Variants in PCDHA7 observed in about 807,000 individuals in gnomAD.
The protein encoded by PCDHA7 is protocadherin alpha 7.
Under a neutral mutation model 57.2 loss-of-function variants are expected in PCDHA7, and 37 were observed. The ratio of observed to expected loss-of-function variants is 0.65; its 90% CI spans 0.50 to 0.85. PCDHA7 has a LOEUF of 0.85. Ranked by LOEUF, PCDHA7 falls within the 40% of genes least tolerant of loss-of-function variation. The probability of loss-of-function intolerance (pLI) is 0.00; values close to 1 mark genes in which losing one functional copy is unlikely to be tolerated. For missense variants in PCDHA7, 1,188 were observed against 1,241.8 expected, an observed-to-expected ratio of 0.96 and a Z score of 0.65; for synonymous variants, 553 against 558.8, an observed-to-expected ratio of 0.99 and a Z score of 0.15.
intron 1 of PCDHA7, chr5:140,856,554 A>G: frequency 1.3e-6 from 2 of 1,598,244 alleles, no homozygotes; most frequent in Non-Finnish European, 1.7e-6. Context: ...TTGCTTACTT[A>G]CAAACTCAGT....
chr5:140,863,356 CGGT>C, intron 1 of PCDHA7: 1 of 1,255,142 alleles, frequency 8.0e-7, no homozygotes, highest in Non-Finnish European at 1.1e-6. Flanking sequence ...CACGACGCTG[CGGT>C]GCTTGGCGCA....
chr5:141,010,118 T>C lies in PCDHA7; in HGVS notation c.*181T>C. 6.2e-7 allele frequency: 1 copy of C among 1,608,728 alleles called. No homozygotes were observed. The highest frequency in any genetic ancestry group is 8.5e-7 in the Non-Finnish European group (1 of 1,177,116). ...TTAACAGGTTTTGTCGTAAAAGCTT[T>C]ACTAAGTCTGGTGTTAACTCTTTCT... On this transcript the variant is annotated 3_prime_UTR_variant, in exon 4 of 4. Transcript: ENST00000525929.
At chr5:140,927,297 G>C in intron 1 of PCDHA7, 1 of 1,614,150 alleles carries the variant, frequency 6.2e-7, no homozygotes, top group Non-Finnish European at 8.5e-7. Context: ...ACATCCCCGA[G>C]TTCCTGACGC....
chr5:141,000,416 TATA>T lies in PCDHA7; in HGVS notation c.2504-9210_2504-9208del, dbSNP rs1254571264. Among the ~76,000 whole-genome samples the T allele has an allele frequency of 5.1e-3, 472 of 93,246 alleles. 2 individuals carry two copies. Among genetic ancestry groups the T allele is most frequent in the Non-Finnish European group, 6.8e-3 (330 of 48,634 alleles). 61.2% of individuals were successfully genotyped at this position (93,246 alleles called of 152,430 possible). On this transcript the variant is annotated intron_variant, in intron 3 of 3. Transcript: ENST00000525929. ...CTCTCTATATATATATATATATATA[TATA>T]TATTTTTTTTTTTTTTTTTTTTTTT...
intron 1 of PCDHA7, among the ~76,000 whole-genome samples, chr5:140,942,586 A>C (rs559683622): frequency 1.3e-5 from 2 of 150,518 alleles, no homozygotes; most frequent in African/African-American, 4.9e-5. Context: ...ATAGGATGTC[A>C]CATATAATTA....
At chr5:140,963,244 T>G (rs934081934) in intron 1 of PCDHA7, among the ~76,000 whole-genome samples, 6 of 152,104 alleles carry the variant, frequency 3.9e-5, no homozygotes, top group Admixed American at 3.3e-4. Flanking sequence ...ATGGATTAGG[T>G]AGGTTTTCAT....
intron 1 of PCDHA7, among the ~76,000 whole-genome samples, chr5:140,971,989 T>C (rs1183313679): frequency 1.3e-5 from 2 of 152,170 alleles, no homozygotes; most frequent in African/African-American, 4.8e-5. Context: ...AGACAGAAGT[T>C]CCAATGTTTA....
In PCDHA7 at chr5:140,858,081, C is replaced by G. The variant is rs782778779; in HGVS notation, c.2355+21343C>G. 1.0e-5 allele frequency: 16 copies of G among 1,597,646 alleles called. No individual in the cohort carries two copies. Among genetic ancestry groups the G allele is most frequent in the Admixed American group, 1.7e-5 (1 of 59,270 alleles). On this transcript the variant is annotated intron_variant, in intron 1 of 3. Transcript: ENST00000525929. The stretch of plus-strand genomic sequence containing the variant: ...GAGGGCAGCCAGGCACCCAAGGCCT[C>G]GTCGCGGGCTTCAGTGGGCGTGGCG...
Position 140,835,553 on chromosome 5 carries a change from G to A in PCDHA7, c.1170G>A (p.Thr390=). 2 of 1,613,872 alleles carry A rather than the reference G, an allele frequency of 1.2e-6. No homozygotes were observed. The highest frequency in any genetic ancestry group is 1.7e-5 in the Admixed American group (1 of 59,998). Residue 390 remains threonine, a synonymous_variant, in exon 1 of 4, where the codon ACG becomes ACA. Transcript: ENST00000525929. ...ACGGACAGGTTACCTGCTCCCTGAC[G>A]CCCCGCGTTCCCTTCAAGTTGGTGT... The part of the protein sequence containing the change: ...GVNGQVTCSL[T]PRVPFKLVST...
intron 1 of PCDHA7, among the ~76,000 whole-genome samples, chr5:140,903,156 T>G (rs1287323901): frequency 6.6e-6 from 1 of 152,232 alleles, no homozygotes; most frequent in Non-Finnish European, 1.5e-5. Flanking sequence ...CCATAGTGGT[T>G]GTGCTGGTTT....
chr5:140,870,260 G>C, intron 1 of PCDHA7: 3 of 1,614,200 alleles, frequency 1.9e-6, no homozygotes, highest in Non-Finnish European at 2.5e-6. Flanking sequence ...CAGGTGACCT[G>C]CTCGCTGACG....
In PCDHA7 at chr5:140,842,865, G is replaced by C; in HGVS notation, c.2355+6127G>C. ...TACATTTCGGTGCACACGGAGAGCG[G>C]CAAGGTGTACGCGCTGCAGCCGCTG... is the stretch of plus-strand genomic sequence containing the variant. On this transcript the variant is annotated intron_variant, in intron 1 of 3. Transcript: ENST00000525929. 6.3e-6 allele frequency: 10 copies of C among 1,593,986 alleles called. 1 individual carries two copies. Among genetic ancestry groups the C allele is most frequent in the Middle Eastern group, 2.1e-4 (1 of 4,754 alleles).
intron 1 of PCDHA7, chr5:140,929,479 A>G (rs2086187931): frequency 4.2e-6 from 5 of 1,193,216 alleles, no homozygotes; most frequent in Admixed American, 3.2e-5. Context: ...CTGGAAGTAT[A>G]GAAGTATTAG....
intron 1 of PCDHA7, among the ~76,000 whole-genome samples, chr5:140,906,628 G>A (rs976764797): frequency 2.0e-5 from 3 of 152,180 alleles, no homozygotes; most frequent in African/African-American, 7.2e-5. Context: ...CCTTCAGCAA[G>A]CACCTCAGCA....
In PCDHA7 at chr5:140,836,649, CA is replaced by C. The variant is rs1774652282; in HGVS notation, c.2267del (p.Gln756ArgfsTer44). ...CTGGTCATTCTCCCAGCAGAGGCGG[CA>C]GAGGGTGTGCTCTGGGGAGGGCCCA... ...GSWSFSQQRR[Q>X]RVCSGEGPPK... On this transcript the variant is annotated frameshift_variant, in exon 1 of 4. Transcript: ENST00000525929. LOFTEE classifies it high-confidence loss of function. 6.2e-7 allele frequency: 1 copy of C among 1,613,348 alleles called. No homozygotes were observed. The highest frequency in any genetic ancestry group is 1.3e-5 in the African/African-American group (1 of 74,814).
At position 140,835,713 on chromosome 5, in the gene PCDHA7, G is replaced by A. The variant is rs1490262611; in HGVS notation, c.1330G>A (p.Glu444Lys). ...SLWATASVSV[E>K]VADVNDNAPA... The stretch of plus-strand genomic sequence containing the variant: ...GTGGGCCACTGCTAGCGTGTCCGTG[G>A]AGGTGGCCGACGTGAACGACAACGC... Residue 444 changes from glutamate (E) to lysine (K), a missense_variant, in exon 1 of 4, where the codon GAG (glutamate) becomes AAG (lysine). Physicochemically the swap from Glu to Lys is moderately conservative, Grantham distance 56 (BLOSUM62 1). Coordinates refer to ENST00000525929, the MANE Select transcript of PCDHA7 (RefSeq NM_018910.3). 6.2e-7 allele frequency: 1 copy of A among 1,613,696 alleles called. No individual in the cohort carries two copies. Among genetic ancestry groups the A allele is most frequent in the African/African-American group, 1.3e-5 (1 of 74,920 alleles).
Position 140,852,810 on chromosome 5 carries a change from C to T in PCDHA7, c.2355+16072C>T, listed in dbSNP as rs2150522687. On this transcript the variant is annotated intron_variant, in intron 1 of 3. Transcript: ENST00000525929. The stretch of plus-strand genomic sequence containing the variant: ...GATGCTACAGATGTCATTTGTCTCC[C>T]GCCCTAAGTCCTCCAGTCTCCTTAG... 3.4e-5 allele frequency: 33 copies of T among 973,688 alleles called. 1 individual carries two copies. The highest frequency in any genetic ancestry group is 1.4e-4 in the South Asian group (3 of 20,896). The allele number at this position is 973,688 out of a possible 1,614,324, so 60.3% of individuals were successfully genotyped here. A position where few individuals can be genotyped will look rare whatever the true frequency, so the allele number is the denominator to read the frequency against.
At chr5:140,857,365 C>A (rs251362) in intron 1 of PCDHA7, 1 of 1,597,496 alleles carries the variant, frequency 6.3e-7, no homozygotes, top group South Asian at 1.1e-5. Context: ...CCACGGCCAG[C>A]GTGTCTGTGG....
intron 1 of PCDHA7, chr5:140,862,477 A>G (rs1227905551): frequency 2.6e-6 from 1 of 379,090 alleles, no homozygotes; most frequent in African/African-American, 2.1e-5. Context: ...AAATCTATCC[A>G]TTGTTGGTAA....
Sources: gnomAD v4.1 joint callset for allele counts (sites outside exome capture counted in the v4.1 genomes callset) on GRCh38, gnomAD v4.1.1 for gene constraint, MANE v1.5 for transcripts, NCBI Gene and HGNC (gene_info 2026-07-23, HGNC 2026-07-21) for gene names.